DDIAS: variants seen among roughly 807,000 people sequenced by gnomAD.
DDIAS encodes the protein DNA damage-induced apoptosis suppressor protein.
Under a neutral mutation model 15.7 loss-of-function variants are expected in DDIAS, and 14 were observed. The ratio of observed to expected loss-of-function variants is 0.89; its 90% CI spans 0.59 to 1.39. The LOEUF is 1.39. DDIAS is among the 40% of genes most tolerant of loss of function. The pLI, the probability that DDIAS is intolerant of heterozygous loss-of-function variation, is 0.00. For synonymous variants in DDIAS, 355 were observed against 395.9 expected (o/e 0.90, Z 1.23); for missense variants, 1,035 against 1,130.9 (o/e 0.92, Z 1.22).
At position 82,932,033 on chromosome 11, in the gene DDIAS, A is replaced by G; in HGVS notation, c.695A>G (p.Lys232Arg). The G allele has an allele frequency of 1.9e-6, 3 of 1,614,132 alleles. No individual in the cohort carries two copies. Among genetic ancestry groups the G allele is most frequent in the South Asian group, 1.1e-5 (1 of 91,082 alleles). ...STSDFFKSCS[K>R]DTFSKFWQPS... ...TCTGATTTTTTCAAGTCCTGCAGCA[A>G]GGATACTTTTTCAAAATTCTGGCAG... The change falls in exon 6 of 6, where the codon AAG becomes AGG. Residue 232 changes from lysine to arginine, a missense_variant. Lys to Arg is a conservative substitution (Grantham distance 26). Transcript: ENST00000533655.
intron 1 of DDIAS, among the ~76,000 whole-genome samples, chr11:82,911,058 TTTA>T (rs1355605711): frequency 2.0e-5 from 3 of 152,188 alleles, no homozygotes; most frequent in African/African-American, 7.2e-5. Context: ...TAAAAAACAC[TTTA>T]TTATTAAAAA....
chr11:82,912,547 C>T (rs1458432225), intron 1 of DDIAS, among the ~76,000 whole-genome samples: 5 of 152,172 alleles, frequency 3.3e-5, no homozygotes, highest in African/African-American at 9.7e-5. Context: ...GGGTATTACT[C>T]TGGATTAGGC....
chr11:82,904,600 T>C (rs1293367584), intron 1 of DDIAS, among the ~76,000 whole-genome samples: 1 of 152,196 alleles, frequency 6.6e-6, no homozygotes, highest in African/African-American at 2.4e-5. Context: ...TGTGGGCAAT[T>C]TGGCCATTAC....
In DDIAS at chr11:82,934,307, G is replaced by A. The variant is rs1201963626; in HGVS notation, c.2969G>A (p.Ser990Asn). ...KGPPSVCETR[S>N]AWSPELFS ...CCACCTTCAGTGTGTGAAACTCGAA[G>A]TGCTTGGTCACCTGAATTGTTTTCA... Residue 990 changes from serine (S) to asparagine (N), a missense_variant, in exon 6 of 6, where the codon AGT (serine) becomes AAT (asparagine). Transcript: ENST00000533655. The A allele has an allele frequency of 6.3e-7, 1 of 1,598,302 alleles. No homozygotes were observed. Among genetic ancestry groups the A allele is most frequent in the Non-Finnish European group, 8.5e-7 (1 of 1,174,798 alleles).
intron 3 of DDIAS, among the ~76,000 whole-genome samples, chr11:82,915,557 C>T (rs1295883527): frequency 1.3e-5 from 2 of 152,202 alleles, no homozygotes; most frequent in Non-Finnish European, 2.9e-5. Flanking sequence ...GCAGTTCTAA[C>T]TCATATCTAG....
intron 1 of DDIAS, among the ~76,000 whole-genome samples, chr11:82,907,890 T>C: frequency 6.6e-6 from 1 of 152,222 alleles, no homozygotes. Context: ...AGCACTGTTC[T>C]AAGCACTGGG....
At chr11:82,930,093 A>C (rs770008501) in intron 4 of DDIAS, 64 bp from the exon 5 acceptor site, 3 of 933,226 alleles carry the variant, frequency 3.2e-6, no homozygotes, top group Non-Finnish European at 4.9e-6. Flanking sequence ...TGTGTCTCTG[A>C]CTTTATGGCA....
chr11:82,906,576 C>G (rs900084200), intron 1 of DDIAS, among the ~76,000 whole-genome samples: 2 of 152,046 alleles, frequency 1.3e-5, no homozygotes, highest in Non-Finnish European at 1.5e-5. Context: ...AGTCATGTTA[C>G]AAGTTTATTA....
chr11:82,925,769 A>T (rs1014615112), intron 3 of DDIAS, among the ~76,000 whole-genome samples: 8 of 152,124 alleles, frequency 5.3e-5, no homozygotes, highest in African/African-American at 1.9e-4. Flanking sequence ...TGGGCGGATC[A>T]TGAGGTCAGG....
Position 82,933,032 on chromosome 11 carries a change from G to A in DDIAS, c.1694G>A (p.Arg565Lys), listed in dbSNP as rs1485148962. ...AAGACTATCAGAATCTCACCACACA[G>A]GGAGAGTGACCATTCTAGTCTAAAT... ...LKKTIRISPH[R>K]ESDHSSLNNK... Residue 565 changes from arginine (R) to lysine (K), a missense_variant, in exon 6 of 6, where the codon AGG (arginine) becomes AAG (lysine). Transcript: ENST00000533655. The A allele has an allele frequency of 6.2e-7, 1 of 1,607,254 alleles. No individual in the cohort carries two copies. The highest frequency in any genetic ancestry group is 1.1e-5 in the South Asian group (1 of 90,882).
At chr11:82,928,755 CT>C (rs1213780173) in intron 3 of DDIAS, 21 bp from the exon 4 acceptor site, 3 of 1,609,900 alleles carry the variant, frequency 1.9e-6, no homozygotes, top group Admixed American at 1.7e-5. Context: ...CATCTCCACA[CT>C]TTTTTCCACC....
At position 82,928,985 on chromosome 11, in the gene DDIAS, G is replaced by A. The variant is rs372314144; in HGVS notation, c.275+47G>A. ...TTTTTCCTGACTGCCCTTAGAATTTGAAGATACAAGTTTATAAGGCAATAT... is the reference window on the plus strand; with the variant it reads ...TTTTTCCTGACTGCCCTTAGAATTTAAAGATACAAGTTTATAAGGCAATAT... On this transcript the variant is annotated intron_variant, in intron 4 of 5. Coordinates refer to ENST00000533655, the MANE Select transcript of DDIAS (RefSeq NM_145018.4). 5.9e-5 allele frequency: 93 copies of A among 1,565,286 alleles called. 1 individual carries two copies. In the African/African-American group the frequency reaches 1.1e-3, roughly 19 times the overall value.
At position 82,909,447 on chromosome 11, in the gene DDIAS, G is replaced by A. The variant is rs143139385; in HGVS notation, c.-116-3840G>A. 29 of 152,272 alleles carry A rather than the reference G, an allele frequency of 1.9e-4. No individual in the cohort carries two copies. In the East Asian group the frequency reaches 5.2e-3, roughly 27 times the overall value. The allele number at this position is 152,272 out of a possible 1,614,324, so 9.4% of individuals were successfully genotyped here. On this transcript the variant is annotated intron_variant, in intron 1 of 5. Coordinates refer to ENST00000533655, the MANE Select transcript of DDIAS (RefSeq NM_145018.4). ...TGACTTAGAATGCCTTAACCGTCTGGGAATTCAGCCCAGTATGTCTCAGCT... is the reference window on the plus strand; with the variant it reads ...TGACTTAGAATGCCTTAACCGTCTGAGAATTCAGCCCAGTATGTCTCAGCT...
intron 1 of DDIAS, among the ~76,000 whole-genome samples, chr11:82,911,686 A>C (rs1198477823): frequency 6.6e-6 from 1 of 152,234 alleles, no homozygotes; most frequent in Non-Finnish European, 1.5e-5. Flanking sequence ...CCCATAAATC[A>C]TGAATGTTCT....
At chr11:82,904,072 G>T (rs753427434) in intron 1 of DDIAS, among the ~76,000 whole-genome samples, 1 of 152,190 alleles carries the variant, frequency 6.6e-6, no homozygotes, top group Non-Finnish European at 1.5e-5. Context: ...TTCCAGACCT[G>T]ATTAACTTCT....
intron 1 of DDIAS, among the ~76,000 whole-genome samples, chr11:82,906,638 G>T (rs1297267352): frequency 6.6e-6 from 1 of 152,050 alleles, no homozygotes; most frequent in African/African-American, 2.4e-5. Context: ...TTTGATGAAT[G>T]CCCATATTGT....
Position 82,928,846 on chromosome 11 carries a change from A to G in DDIAS, c.183A>G (p.Leu61=). ...CCAATTACAGATACAAACTTTCCTT[A>G]AAAGTTGCAGAATCAAACAAATTGT... ...GNANYRYKLS[L]KVAESNKLFV... Residue 61 remains leucine, a synonymous_variant, in exon 4 of 6, where the codon TTA becomes TTG. Coordinates refer to ENST00000533655, the MANE Select transcript of DDIAS (RefSeq NM_145018.4). 1 of 1,612,698 alleles carries G rather than the reference A, an allele frequency of 6.2e-7. No homozygotes were observed. Among genetic ancestry groups the G allele is most frequent in the Non-Finnish European group, 8.5e-7 (1 of 1,179,616 alleles).
rs746331556 is a variant in DDIAS, at chr11:82,932,520, G to A, written c.1182G>A (p.Ser394=). Residue 394 remains serine (S), a synonymous_variant, in exon 6 of 6, where the codon TCG becomes TCA. Transcript: ENST00000533655. ...AGAGATCTGCATGTTGTCCACCTTC[G>A]TTACTCAGACTTGAAGAGACAGCCA... ...LQKRSACCPP[S]LLRLEETASS... is the part of the protein sequence containing the mutation. The A allele has an allele frequency of 4.8e-5, 77 of 1,614,010 alleles. No homozygotes were observed. The highest frequency in any genetic ancestry group is 6.3e-5 in the Non-Finnish European group (74 of 1,180,042).
chr11:82,905,748 A>G (rs532934529), intron 1 of DDIAS, among the ~76,000 whole-genome samples: 7 of 152,272 alleles, frequency 4.6e-5, no homozygotes, highest in South Asian at 2.1e-4. Context: ...TTGTCCATCA[A>G]TCACACTATC....
Sources: gnomAD v4.1 joint callset for allele counts (sites outside exome capture counted in the v4.1 genomes callset) on GRCh38, gnomAD v4.1.1 for gene constraint, MANE v1.5 for transcripts, NCBI Gene and HGNC (gene_info 2026-07-23, HGNC 2026-07-21) for gene names.